Variants in TRAPPC9 observed in about 807,000 individuals in gnomAD.
TRAPPC9 encodes the protein IKK2 binding protein.
In TRAPPC9, 83 loss-of-function variants were observed where a neutral mutation model predicts 124.0. The ratio of observed to expected loss-of-function variants is 0.67; its 90% CI spans 0.56 to 0.80. The LOEUF (loss-of-function observed/expected upper bound fraction) is 0.80. TRAPPC9 is among the 30% of genes least tolerant of loss of function. TRAPPC9 has a pLI of 0.00. For missense variants in TRAPPC9, 1,302 were observed against 1,508.3 expected, an observed-to-expected ratio of 0.86 and a Z score of 2.27; for synonymous variants, 638 against 617.5, an observed-to-expected ratio of 1.03 and a Z score of -0.49.
At chr8:140,155,751 G>A (rs1012943950) in intron 17 of TRAPPC9, among the ~76,000 whole-genome samples, 4 of 152,196 alleles carry the variant, frequency 2.6e-5, no homozygotes, top group African/African-American at 7.2e-5. Context: ...CCAATTGAAT[G>A]TATAATTTGA....
chr8:140,323,119 C>A (rs10097160), intron 9 of TRAPPC9, among the ~76,000 whole-genome samples: 4 of 151,798 alleles, frequency 2.6e-5, no homozygotes, highest in African/African-American at 7.3e-5. Flanking sequence ...AGTGGTCTAA[C>A]GAGTCATGGC....
At chr8:139,739,912 ATGAG>A (rs1251240663) in intron 21 of TRAPPC9, among the ~76,000 whole-genome samples, 1 of 152,186 alleles carries the variant, frequency 6.6e-6, no homozygotes, top group African/African-American at 2.4e-5. Flanking sequence ...ACATAGATGG[ATGAG>A]TGAGTGAGTG....
chr8:140,227,756 C>A (rs962701285), intron 16 of TRAPPC9, among the ~76,000 whole-genome samples: 1 of 152,208 alleles, frequency 6.6e-6, no homozygotes, highest in African/African-American at 2.4e-5. Context: ...TGGCACCAGG[C>A]GCTCAGTGCA....
intron 17 of TRAPPC9, among the ~76,000 whole-genome samples, chr8:140,197,462 G>A (rs1031930122): frequency 1.3e-5 from 2 of 152,164 alleles, no homozygotes; most frequent in African/African-American, 2.4e-5. Flanking sequence ...AAAAGGGGCT[G>A]AGGAAATAAA....
chr8:140,452,236 T>G (rs1477371144), intron 1 of TRAPPC9, among the ~76,000 whole-genome samples: 1 of 151,122 alleles, frequency 6.6e-6, no homozygotes, highest in African/African-American at 2.4e-5. Flanking sequence ...CTGGCTAACA[T>G]GGTGAAACCC....
intron 9 of TRAPPC9, among the ~76,000 whole-genome samples, chr8:140,332,111 C>T (rs1192845916): frequency 6.6e-6 from 1 of 152,058 alleles, no homozygotes; most frequent in Non-Finnish European, 1.5e-5. Flanking sequence ...GGAAAATGTG[C>T]TATATATACA....
At chr8:139,971,918 T>C (rs528636074) in intron 19 of TRAPPC9, among the ~76,000 whole-genome samples, 1 of 151,608 alleles carries the variant, frequency 6.6e-6, no homozygotes, top group South Asian at 2.1e-4. Flanking sequence ...ACCTCCTGGG[T>C]TCAAGCGATT....
chr8:139,887,363 G>T (rs1352353843), intron 20 of TRAPPC9, among the ~76,000 whole-genome samples: 1 of 151,930 alleles, frequency 6.6e-6, no homozygotes, highest in Non-Finnish European at 1.5e-5. Flanking sequence ...TGGGATTACA[G>T]GCACCCGCCA....
intron 21 of TRAPPC9, among the ~76,000 whole-genome samples, chr8:139,820,061 C>T (rs1825153088): frequency 7.1e-6 from 1 of 141,506 alleles, no homozygotes. Context: ...ACCATTACAA[C>T]ACTGAAAAGG....
chr8:140,227,891 C>T lies in TRAPPC9; in HGVS notation c.2432-6308G>A, dbSNP rs151126574. On this transcript the variant is annotated intron_variant, in intron 16 of 22. Transcript: ENST00000438773. ...ATCACACAGCTCATCAGAAGCACAG[C>T]CAGAACTAGGCCTCATGACAACTGG... Among the ~76,000 whole-genome samples, 956 of 152,296 alleles carry T rather than the reference C, an allele frequency of 6.3e-3. 6 individuals are homozygous for T. The highest frequency in any genetic ancestry group is 8.7e-3 in the Non-Finnish European group (595 of 68,028).
intron 17 of TRAPPC9, among the ~76,000 whole-genome samples, chr8:140,114,133 C>G (rs61342069): frequency 0.079 from 12,024 of 152,186 alleles, 501 homozygotes; most frequent in Middle Eastern, 0.12. Flanking sequence ...CCTCACAAAA[C>G]TCACTCTGCT....
At chr8:140,450,317 C>T (rs540425539) in intron 2 of TRAPPC9, among the ~76,000 whole-genome samples, 8 of 152,074 alleles carry the variant, frequency 5.3e-5, no homozygotes, top group Non-Finnish European at 8.8e-5. Context: ...GCCAAGATCG[C>T]GCCACTGCAC....
chr8:140,125,587 CTT>C (rs11292333), intron 17 of TRAPPC9, among the ~76,000 whole-genome samples: 1,580 of 67,602 alleles, frequency 0.023, 7 homozygotes, highest in African/African-American at 0.032. Flanking sequence ...GAATCTCATT[CTT>C]TTTTTTTTTT....
intron 21 of TRAPPC9, among the ~76,000 whole-genome samples, chr8:139,804,735 A>ACCACCACCACCAAGCACCGCCACCACTAC (rs1823917904): frequency 7.8e-6 from 1 of 127,442 alleles, no homozygotes; most frequent in South Asian, 2.8e-4. Context: ...AAGCACCACC[A>ACCACCACCACCAAGCACCGCCACCACTAC]CCACCACCAC....
intron 1 of TRAPPC9, 131 bp from the exon 2 acceptor site, chr8:140,451,514 C>T (rs2071462690): frequency 7.8e-6 from 6 of 768,660 alleles, no homozygotes; most frequent in South Asian, 7.4e-5. Flanking sequence ...GTGGCATCAA[C>T]AGGTCTTAGG....
chr8:139,786,540 A>G (rs921878436), intron 21 of TRAPPC9, among the ~76,000 whole-genome samples: 1 of 152,178 alleles, frequency 6.6e-6, no homozygotes, highest in African/African-American at 2.4e-5. Flanking sequence ...CACCTGACCT[A>G]GCAATTCTAC....
chr8:139,775,501 G>A (rs7830272), intron 21 of TRAPPC9, among the ~76,000 whole-genome samples: 2,841 of 152,286 alleles, frequency 0.019, 50 homozygotes, highest in Non-Finnish European at 0.024. Context: ...ATCACTGACC[G>A]CTTTTCTGGG....
chr8:139,925,246 C>T (rs1265447640), intron 19 of TRAPPC9, among the ~76,000 whole-genome samples: 1 of 152,216 alleles, frequency 6.6e-6, no homozygotes, highest in Non-Finnish European at 1.5e-5. Context: ...GAGCATCAGG[C>T]AACAGCACTG....
At chr8:140,080,676 C>T (rs931171351) in intron 17 of TRAPPC9, among the ~76,000 whole-genome samples, 10 of 152,200 alleles carry the variant, frequency 6.6e-5, no homozygotes, top group African/African-American at 2.2e-4. Context: ...TCCCGCTAGG[C>T]CCCACCTCCC....
Sources: allele counts gnomAD v4.1 joint callset (sites outside exome capture counted in the v4.1 genomes callset), GRCh38; gene constraint gnomAD v4.1.1; transcripts MANE v1.5; gene names NCBI Gene and HGNC (gene_info 2026-07-23, HGNC 2026-07-21).